Variants in PCM1 observed in about 807,000 individuals in gnomAD.
PCM1 encodes the protein pericentriolar material 1 protein.
A neutral mutation model predicts 241.9 loss-of-function variants in PCM1; 157 were observed. The observed-to-expected ratio is 0.65, with a 90% CI of 0.57 to 0.74. The LOEUF (loss-of-function observed/expected upper bound fraction) is 0.74, where lower values mean the gene tolerates loss of function less well. Ranked by LOEUF, PCM1 falls within the 30% of genes least tolerant of loss-of-function variation. PCM1 has a pLI of 0.00. For missense variants in PCM1, 3,478 were observed against 2,360.1 expected (o/e 1.47, Z -9.81); for synonymous variants, 1,085 against 784.9 (o/e 1.38, Z -6.39).
intron 28 of PCM1, 26 bp from the exon 29 acceptor site, chr8:17,993,457 T>C: frequency 2.0e-6 from 3 of 1,505,990 alleles, no homozygotes; most frequent in Non-Finnish European, 2.7e-6. Flanking sequence ...TTTGTTAGGC[T>C]AATGTATTTT....
intron 36 of PCM1, among the ~76,000 whole-genome samples, chr8:18,018,861 T>TATACATATACATATAC (rs1564427039): frequency 1.7e-5 from 1 of 58,560 alleles, no homozygotes; most frequent in Non-Finnish European, 4.0e-5. Context: ...TGTATATATA[T>TATACATATACATATAC]ATATATATAT....
At chr8:18,018,826 GTATA>G (rs201376546) in intron 36 of PCM1, among the ~76,000 whole-genome samples, 4 of 90,842 alleles carry the variant, frequency 4.4e-5, no homozygotes, top group African/African-American at 1.8e-4. Context: ...AAAAAAATAT[GTATA>G]TATATATATG....
chr8:18,001,995 C>CTTTTT (rs1166401113), intron 29 of PCM1, among the ~76,000 whole-genome samples: 47 of 23,400 alleles, frequency 2.0e-3, no homozygotes, highest in East Asian at 4.0e-3. Context: ...TCTAACCTTT[C>CTTTTT]TTTTTTTTTT....
intron 36 of PCM1, among the ~76,000 whole-genome samples, chr8:18,018,879 T>C (rs1554778446): frequency 0.017 from 621 of 35,520 alleles, 18 homozygotes; most frequent in Admixed American, 0.077. Flanking sequence ...TATATATATA[T>C]ACACACACAT....
chr8:17,977,979 A>G (rs558201228), intron 23 of PCM1, among the ~76,000 whole-genome samples: 2 of 152,172 alleles, frequency 1.3e-5, no homozygotes, highest in South Asian at 4.1e-4. Flanking sequence ...ACAGAAGTAG[A>G]CCACTGAAAG....
At chr8:17,937,832 C>T (rs2060848036) in intron 4 of PCM1, among the ~76,000 whole-genome samples, 1 of 152,026 alleles carries the variant, frequency 6.6e-6, no homozygotes, top group South Asian at 2.1e-4. Context: ...ATAATAAATT[C>T]TTGAGAGATA....
In PCM1 at chr8:17,929,984, C is replaced by T. The variant is rs372593214; in HGVS notation, c.-23+5204C>T. On this transcript the variant is annotated intron_variant, in intron 2 of 38. Coordinates refer to ENST00000325083, the MANE Select transcript of PCM1 (RefSeq NM_006197.4). ...ACTATGGGGAACTATAATCCTGTAA[C>T]ACAAAACTGCAGATAAGGTGGGGAC... Among the ~76,000 whole-genome samples the T allele has an allele frequency of 7.9e-5, 12 of 152,200 alleles. No homozygotes were observed. The East Asian group carries it at 2.1e-3, about 27-fold the overall frequency.
At chr8:18,010,934 C>T (rs2092405878) in intron 32 of PCM1, among the ~76,000 whole-genome samples, 1 of 152,204 alleles carries the variant, frequency 6.6e-6, no homozygotes, top group African/African-American at 2.4e-5. Flanking sequence ...GATCATGCCA[C>T]TGCATTCCAG....
intron 13 of PCM1, among the ~76,000 whole-genome samples, chr8:17,957,977 T>TG (rs1292683807): frequency 6.6e-6 from 1 of 152,182 alleles, no homozygotes; most frequent in Non-Finnish European, 1.5e-5. Context: ...GTTAGATAGT[T>TG]GCGGCTTTGT....
chr8:18,010,875 A>C (rs1048555301), intron 32 of PCM1, among the ~76,000 whole-genome samples: 1 of 152,188 alleles, frequency 6.6e-6, no homozygotes, highest in Non-Finnish European at 1.5e-5. Flanking sequence ...CAGGAGGCTG[A>C]GACAGGAGAA....
At chr8:17,935,036 T>C (rs1017826182) in intron 2 of PCM1, among the ~76,000 whole-genome samples, 1 of 152,114 alleles carries the variant, frequency 6.6e-6, no homozygotes, top group Non-Finnish European at 1.5e-5. Flanking sequence ...CACTTTTGGA[T>C]GTTTTGGCCC....
intron 38 of PCM1, among the ~76,000 whole-genome samples, chr8:18,027,202 C>A (rs762227672): frequency 2.6e-5 from 4 of 152,208 alleles, no homozygotes; most frequent in Non-Finnish European, 5.9e-5. Flanking sequence ...CAGCCCACTT[C>A]TACCTGTTAG....
rs1380187439 is a variant in PCM1, at chr8:17,972,553, C to T, written c.3809C>T (p.Pro1270Leu). 3.1e-6 allele frequency: 5 copies of T among 1,613,588 alleles called. No homozygotes were observed. The highest frequency in any genetic ancestry group is 4.2e-6 in the Non-Finnish European group (5 of 1,179,714). Residue 1270 changes from proline to leucine, a missense_variant, in exon 23 of 39, where the codon CCA becomes CTA. Physicochemically the swap from Pro to Leu is moderately conservative, Grantham distance 98. Transcript: ENST00000325083. Reference protein sequence around the residue: ...SFSSMPDPVDPTTVTKTFKTR... With the variant: ...SFSSMPDPVDLTTVTKTFKTR... Reference sequence around the variant, plus strand: ...AGCAGTATGCCTGATCCAGTAGATCCAACAACAGTGACTAAAACATTCAAG... The same window carrying T: ...AGCAGTATGCCTGATCCAGTAGATCTAACAACAGTGACTAAAACATTCAAG...
At chr8:18,023,309 C>G (rs1208718820) in intron 36 of PCM1, among the ~76,000 whole-genome samples, 2 of 152,070 alleles carry the variant, frequency 1.3e-5, no homozygotes, top group African/African-American at 4.8e-5. Flanking sequence ...AAAAGAACTC[C>G]CTGTGATCTC....
chr8:17,954,058 TTCTC>T (rs2067087147), intron 9 of PCM1, among the ~76,000 whole-genome samples: 1 of 152,224 alleles, frequency 6.6e-6, no homozygotes, highest in South Asian at 2.1e-4. Flanking sequence ...CTCCTTTCTT[TTCTC>T]TGACTTCTGC....
chr8:17,937,955 C>A (rs1342909399), intron 4 of PCM1, among the ~76,000 whole-genome samples: 1 of 152,108 alleles, frequency 6.6e-6, no homozygotes, highest in African/African-American at 2.4e-5. Flanking sequence ...TTATTTATAT[C>A]TATTTATCAA....
rs191827652 is a variant in PCM1 at position 17,999,983 on chromosome 8, A to G, written c.4828-6280A>G. On this transcript the variant is annotated intron_variant, in intron 29 of 38. Coordinates refer to ENST00000325083, the MANE Select transcript of PCM1 (RefSeq NM_006197.4). ...GAGTGGGAATACACTCTGAAATAAC[A>G]TAAGTAAATAAAAGACATATAAGTA... 2.3e-3 allele frequency among the ~76,000 whole-genome samples: 347 copies of G among 152,336 alleles called. 4 individuals are homozygous for G. Among genetic ancestry groups the G allele is most frequent in the Middle Eastern group, 0.01 (3 of 294 alleles).
In PCM1 at chr8:17,935,653, C is replaced by T. The variant is rs1183265581; in HGVS notation, c.43C>T (p.Gln15Ter). ...TCCCTTTGAAGATGGCATGAATGAT[C>T]AGGATTTACCAAACTGGAGTAATGA... The part of the protein sequence containing the change: ...GGPFEDGMND[Q>*]DLPNWSNENV... The change falls in exon 3 of 39, where the codon CAG becomes TAG. Residue 15 changes from glutamine to a stop codon, truncating the protein, a stop_gained. Transcript: ENST00000325083. LOFTEE classifies it high-confidence loss of function. The T allele has an allele frequency of 6.4e-7, 1 of 1,567,498 alleles. No individual in the cohort carries two copies. The highest frequency in any genetic ancestry group is 8.8e-7 in the Non-Finnish European group (1 of 1,137,958).
chr8:17,977,133 C>G lies in PCM1; in HGVS notation c.3944-3458C>G, dbSNP rs114475336. On this transcript the variant is annotated intron_variant, in intron 23 of 38. Transcript: ENST00000325083. Reference sequence around the variant, plus strand: ...CATGTTAGAATAACATACTTAAAATCTTTTTCTTTAGATCATTGTATGTTA... The same window carrying G: ...CATGTTAGAATAACATACTTAAAATGTTTTTCTTTAGATCATTGTATGTTA... 1.1e-3 allele frequency among the ~76,000 whole-genome samples: 175 copies of G among 152,198 alleles called. 2 individuals carry two copies. The highest frequency in any genetic ancestry group is 4.0e-3 in the African/African-American group (167 of 41,528).
Sources: gnomAD v4.1 joint callset for allele counts (sites outside exome capture counted in the v4.1 genomes callset) on GRCh38, gnomAD v4.1.1 for gene constraint, MANE v1.5 for transcripts, NCBI Gene and HGNC (gene_info 2026-07-23, HGNC 2026-07-21) for gene names.